NRXN3: variants seen among roughly 807,000 people sequenced by gnomAD.
NRXN3 encodes the protein neurexin III.
In NRXN3, 32 loss-of-function variants were observed where a neutral mutation model predicts 137.6. The ratio of observed to expected loss-of-function variants is 0.23; its 90% CI spans 0.18 to 0.31. The LOEUF is 0.31. Ranked by LOEUF, NRXN3 falls within the 10% of genes least tolerant of loss-of-function variation. The pLI, the probability that NRXN3 is intolerant of heterozygous loss-of-function variation, is 1.00. For synonymous variants in NRXN3, 798 were observed against 784.5 expected, an observed-to-expected ratio of 1.02 and a Z score of -0.29; for missense variants, 1,574 against 2,062.5, an observed-to-expected ratio of 0.76 and a Z score of 4.59.
chr14:79,273,369 T>C (rs1357887942), intron 15 of NRXN3, among the ~76,000 whole-genome samples: 1 of 151,594 alleles, frequency 6.6e-6, no homozygotes, highest in Non-Finnish European at 1.5e-5. Flanking sequence ...GCACGGTGGC[T>C]CACGCCTGTA....
chr14:78,760,805 G>A (rs1260472087), intron 8 of NRXN3, among the ~76,000 whole-genome samples: 5 of 152,010 alleles, frequency 3.3e-5, no homozygotes, highest in African/African-American at 4.8e-5. Flanking sequence ...AGCCCTTTGC[G>A]TTAATAAATG....
intron 8 of NRXN3, among the ~76,000 whole-genome samples, chr14:78,755,932 G>A (rs2098666178): frequency 6.6e-6 from 1 of 152,164 alleles, no homozygotes; most frequent in Admixed American, 6.5e-5. Flanking sequence ...ACATATGCAA[G>A]AGAATAATAA....
At chr14:79,379,938 A>G (rs963349613) in intron 15 of NRXN3, among the ~76,000 whole-genome samples, 18 of 151,834 alleles carry the variant, frequency 1.2e-4, no homozygotes, top group African/African-American at 4.4e-4. Context: ...TCTCTTGGGT[A>G]TAAGGCCAGT....
intron 1 of NRXN3, among the ~76,000 whole-genome samples, chr14:78,202,199 G>C (rs1393414653): frequency 2.0e-5 from 3 of 152,148 alleles, no homozygotes; most frequent in Non-Finnish European, 4.4e-5. Flanking sequence ...CGAAAGGCTG[G>C]GTCATTTGAG....
rs59264204 is a variant in NRXN3 at position 78,645,640 on chromosome 14, GAA to G, written c.1059+229_1059+230del. Reference sequence around the variant, plus strand: ...TTCTCTCTCTGTGCTTGTTATTTAAGAAAAAAAAAAACAACTCAGTTGTATAG... The same window carrying G: ...TTCTCTCTCTGTGCTTGTTATTTAAGAAAAAAAAACAACTCAGTTGTATAG... On this transcript the variant is annotated intron_variant, in intron 5 of 20. Transcript: ENST00000335750. Among the ~76,000 whole-genome samples, 8 of 143,142 alleles carry G rather than the reference GAA, an allele frequency of 5.6e-5. No homozygotes were observed. In the East Asian group the frequency reaches 6.5e-4, roughly 12 times the overall value. 93.9% of individuals were successfully genotyped at this position (143,142 alleles called of 152,430 possible).
intron 20 of NRXN3, among the ~76,000 whole-genome samples, chr14:79,835,533 A>G (rs1466000651): frequency 1.3e-5 from 2 of 152,094 alleles, no homozygotes; most frequent in African/African-American, 2.4e-5. Context: ...TTCTCCATAT[A>G]TACATTTTTT....
intron 16 of NRXN3, among the ~76,000 whole-genome samples, chr14:79,523,704 A>T (rs947392380): frequency 6.6e-6 from 1 of 152,232 alleles, no homozygotes; most frequent in Non-Finnish European, 1.5e-5. Flanking sequence ...TTGCAACCTG[A>T]TTTGGGTAAT....
intron 19 of NRXN3, among the ~76,000 whole-genome samples, chr14:79,748,783 A>C (rs1234996351): frequency 2.6e-5 from 4 of 151,944 alleles, no homozygotes; most frequent in Non-Finnish European, 2.9e-5. Flanking sequence ...CCATAGAGCT[A>C]TTGTCAAATG....
At chr14:78,785,524 A>G (rs1207731786) in intron 8 of NRXN3, among the ~76,000 whole-genome samples, 1 of 152,216 alleles carries the variant, frequency 6.6e-6, no homozygotes, top group Non-Finnish European at 1.5e-5. Context: ...TCATAAACTC[A>G]TCAGCTGTGG....
chr14:78,883,898 T>C (rs2099136037), intron 10 of NRXN3, among the ~76,000 whole-genome samples: 1 of 152,230 alleles, frequency 6.6e-6, no homozygotes, highest in Non-Finnish European at 1.5e-5. Context: ...GGTAAGTATA[T>C]AGTACCCCTT....
chr14:78,644,414 G>A (rs1005515959), intron 4 of NRXN3, among the ~76,000 whole-genome samples: 2 of 152,156 alleles, frequency 1.3e-5, no homozygotes, highest in South Asian at 2.1e-4. Flanking sequence ...TGTGGCCATA[G>A]GATAGTCCAA....
intron 20 of NRXN3, among the ~76,000 whole-genome samples, chr14:79,846,024 G>A (rs1363596937): frequency 6.6e-6 from 1 of 152,078 alleles, no homozygotes; most frequent in African/African-American, 2.4e-5. Context: ...TTATGAGTGT[G>A]GTTCATGGCA....
chr14:78,327,462 G>C (rs2080245569), intron 4 of NRXN3, among the ~76,000 whole-genome samples: 1 of 152,132 alleles, frequency 6.6e-6, no homozygotes. Context: ...TGCATTTGCT[G>C]ATGAATACAG....
At chr14:78,778,062 T>A (rs2098750500) in intron 8 of NRXN3, among the ~76,000 whole-genome samples, 1 of 152,132 alleles carries the variant, frequency 6.6e-6, no homozygotes, top group Non-Finnish European at 1.5e-5. Flanking sequence ...CACACCCAGC[T>A]GAGGTTGAAG....
intron 15 of NRXN3, among the ~76,000 whole-genome samples, chr14:79,111,510 G>A (rs866192768): frequency 1.3e-5 from 2 of 152,030 alleles, no homozygotes; most frequent in African/African-American, 2.4e-5. Flanking sequence ...AGGCCGAGGC[G>A]GGCAGATCAC....
At chr14:79,813,499 T>C (rs1437566112) in intron 20 of NRXN3, among the ~76,000 whole-genome samples, 4 of 152,198 alleles carry the variant, frequency 2.6e-5, no homozygotes, top group Non-Finnish European at 5.9e-5. Context: ...TATACTTTTA[T>C]GAGTAACTAT....
intron 15 of NRXN3, among the ~76,000 whole-genome samples, chr14:79,434,045 A>G (rs2095804863): frequency 6.6e-6 from 1 of 152,188 alleles, no homozygotes; most frequent in South Asian, 2.1e-4. Context: ...CAACCTCTCC[A>G]TTTAATACAT....
chr14:79,727,959 A>G (rs2098901618), intron 19 of NRXN3, among the ~76,000 whole-genome samples: 2 of 152,156 alleles, frequency 1.3e-5, no homozygotes, highest in South Asian at 4.1e-4. Flanking sequence ...CAAATCAGAC[A>G]CAGAAATTCT....
At chr14:79,580,274 T>C (rs1465254778) in intron 16 of NRXN3, among the ~76,000 whole-genome samples, 1 of 152,216 alleles carries the variant, frequency 6.6e-6, no homozygotes, top group Non-Finnish European at 1.5e-5. Flanking sequence ...GTCCCTTTGA[T>C]ATATTGATTT....
Sources: allele counts gnomAD v4.1 joint callset (sites outside exome capture counted in the v4.1 genomes callset), GRCh38; gene constraint gnomAD v4.1.1; transcripts MANE v1.5; gene names NCBI Gene and HGNC (gene_info 2026-07-23, HGNC 2026-07-21).